Variants in PRELID2 observed in about 807,000 individuals in gnomAD.
PRELID2 encodes PRELI domain-containing protein 2.
PRELID2 carries 25 observed loss-of-function variants against 28.4 expected under a neutral mutation model. The observed-to-expected ratio is 0.88, with a 90% CI of 0.64 to 1.23. The LOEUF (loss-of-function observed/expected upper bound fraction) is 1.23, where lower values mean the gene tolerates loss of function less well. Among genes scored for constraint, PRELID2 ranks in the 50% most tolerant of loss-of-function variants. The probability of loss-of-function intolerance (pLI) is 0.00; values close to 1 mark genes in which losing one functional copy is unlikely to be tolerated. For synonymous variants in PRELID2, 76 were observed against 71.6 expected (o/e 1.06, Z -0.31); for missense variants, 201 against 214.4 (o/e 0.94, Z 0.39).
rs57138146 is a variant in PRELID2 at position 145,545,569 on chromosome 5, C to CT, written n.71-72255dup. Among the ~76,000 whole-genome samples, 6 of 152,164 alleles carry CT rather than the reference C, an allele frequency of 3.9e-5. No individual in the cohort carries two copies. The East Asian group carries it at 1.2e-3, about 29-fold the overall frequency. ...GAGGACTTGAACACATTCCTCCACTCTTTTTTTGTGGAAGAATTTAACAAA... is the reference window on the plus strand; with the variant it reads ...GAGGACTTGAACACATTCCTCCACTCTTTTTTTTGTGGAAGAATTTAACAAA... On this transcript the variant is annotated intron_variant and non_coding_transcript_variant, in intron 1 of 2. Coordinates refer to the PRELID2 transcript ENST00000510259.
At chr5:145,350,167 T>C in the PRELID2 span, among the ~76,000 whole-genome samples, 1 of 152,212 alleles carries the variant, frequency 6.6e-6, no homozygotes, top group Non-Finnish European at 1.5e-5. Context: ...GTGCATCAAA[T>C]AAGATAAAGC....
At chr5:145,652,817 C>T (rs535063151) in intron 1 of PRELID2, among the ~76,000 whole-genome samples, 5 of 152,254 alleles carry the variant, frequency 3.3e-5, no homozygotes, top group Admixed American at 1.3e-4. Context: ...TAAAGACCAT[C>T]GATGCTAGAA....
At chr5:145,672,967 C>A (rs1157884467) in intron 1 of PRELID2, among the ~76,000 whole-genome samples, 2 of 152,136 alleles carry the variant, frequency 1.3e-5, no homozygotes, top group Admixed American at 6.6e-5. Context: ...CTAGGGCCCT[C>A]TGTAGTTCAG....
intron 1 of PRELID2, among the ~76,000 whole-genome samples, chr5:145,488,671 C>T (rs750637649): frequency 7.9e-5 from 12 of 152,152 alleles, no homozygotes; most frequent in Non-Finnish European, 1.6e-4. Flanking sequence ...TATTTATGCA[C>T]ATTGTGTAAT....
intron 6 of PRELID2, among the ~76,000 whole-genome samples, chr5:145,764,666 C>T (rs755661875): frequency 1.3e-5 from 2 of 152,206 alleles, no homozygotes; most frequent in African/African-American, 2.4e-5. Flanking sequence ...CACCTTGAGG[C>T]TCTCAATCAT....
the PRELID2 span, among the ~76,000 whole-genome samples, chr5:145,436,141 A>T: frequency 6.6e-6 from 1 of 152,010 alleles, no homozygotes; most frequent in South Asian, 2.1e-4. Context: ...CTTTGTGTCC[A>T]TGTGCACTCA....
intron 1 of PRELID2, among the ~76,000 whole-genome samples, chr5:145,745,753 C>G (rs1294010024): frequency 6.6e-6 from 1 of 152,064 alleles, no homozygotes; most frequent in African/African-American, 2.4e-5. Flanking sequence ...ATCCCAGCTA[C>G]TCAGGAGGCT....
chr5:145,557,680 A>G (rs1752892264), intron 1 of PRELID2, among the ~76,000 whole-genome samples: 1 of 152,174 alleles, frequency 6.6e-6, no homozygotes, highest in African/African-American at 2.4e-5. Flanking sequence ...TAACTGTCTA[A>G]ATGCTTGAAG....
chr5:145,481,624 A>AAAAAAAAAAAAAAAAAAAAAAAG (rs1752161547), intron 1 of PRELID2, among the ~76,000 whole-genome samples: 1 of 11,030 alleles, frequency 9.1e-5, no homozygotes, highest in Non-Finnish European at 1.9e-4. Flanking sequence ...CAAGGAAATC[A>AAAAAAAAAAAAAAAAAAAAAAAG]AAAAAAAAAA....
intron 1 of PRELID2, among the ~76,000 whole-genome samples, chr5:145,650,251 C>T (rs1754265433): frequency 1.3e-5 from 2 of 152,144 alleles, no homozygotes; most frequent in South Asian, 4.1e-4. Flanking sequence ...GCTTCTCAGT[C>T]CCTGAGCTAC....
chr5:145,438,631 A>T, the PRELID2 span, among the ~76,000 whole-genome samples: 2 of 152,182 alleles, frequency 1.3e-5, no homozygotes, highest in Non-Finnish European at 2.9e-5. Flanking sequence ...AAAACTGTTT[A>T]AAAAATAAAA....
At chr5:145,475,436 C>T (rs1480450436) in intron 1 of PRELID2, among the ~76,000 whole-genome samples, 1 of 152,200 alleles carries the variant, frequency 6.6e-6, no homozygotes, top group Non-Finnish European at 1.5e-5. Flanking sequence ...GTGATCTGAG[C>T]TTCTCTTTCA....
At chr5:145,697,531 G>T (rs1476222052) in intron 1 of PRELID2, among the ~76,000 whole-genome samples, 1 of 152,076 alleles carries the variant, frequency 6.6e-6, no homozygotes, top group Non-Finnish European at 1.5e-5. Flanking sequence ...ATTTCTCTAC[G>T]CCATGTTTAT....
chr5:145,562,271 G>A (rs1193862932), intron 1 of PRELID2, among the ~76,000 whole-genome samples: 1 of 152,160 alleles, frequency 6.6e-6, no homozygotes, highest in Non-Finnish European at 1.5e-5. Flanking sequence ...TGTAATGATG[G>A]CAGTCTTTTA....
At chr5:145,785,756 T>G (rs1581199297) in intron 5 of PRELID2, among the ~76,000 whole-genome samples, 1 of 152,254 alleles carries the variant, frequency 6.6e-6, no homozygotes, top group Non-Finnish European at 1.5e-5. Flanking sequence ...CTCAAAATTC[T>G]AAACAAGCAC....
chr5:145,735,244 CAAA>C (rs112613176), intron 1 of PRELID2, among the ~76,000 whole-genome samples: 6 of 88,486 alleles, frequency 6.8e-5, no homozygotes, highest in Admixed American at 1.3e-4. Context: ...GTCTCCATCT[CAAA>C]AAAAAAAAAA....
chr5:145,678,270 A>G (rs1040048467), intron 1 of PRELID2, among the ~76,000 whole-genome samples: 11 of 152,210 alleles, frequency 7.2e-5, no homozygotes, highest in African/African-American at 2.4e-4. Context: ...TTGAGAACCT[A>G]AAACTACCTC....
the PRELID2 span, among the ~76,000 whole-genome samples, chr5:145,420,438 G>A: frequency 6.7e-6 from 1 of 150,144 alleles, no homozygotes; most frequent in African/African-American, 2.4e-5. Flanking sequence ...TCCTTGAAGA[G>A]GTCCTTCACA....
the PRELID2 span, among the ~76,000 whole-genome samples, chr5:145,341,977 A>G: frequency 2.0e-3 from 298 of 152,316 alleles, no homozygotes; most frequent in Non-Finnish European, 3.6e-3. Flanking sequence ...TCTAAGGTCA[A>G]AGATAAAGAG....
Sources: gnomAD v4.1 joint callset for allele counts (sites outside exome capture counted in the v4.1 genomes callset) on GRCh38, gnomAD v4.1.1 for gene constraint, MANE v1.5 for transcripts, NCBI Gene and HGNC (gene_info 2026-07-23, HGNC 2026-07-21) for gene names.